Variants in ZC3H12B observed in about 807,000 individuals in gnomAD.
ZC3H12B encodes the protein zinc finger CCCH-type containing 12B.
A neutral mutation model predicts 43.9 loss-of-function variants in ZC3H12B; 7 were observed. The ratio of observed to expected loss-of-function variants is 0.16; its 90% CI spans 0.09 to 0.30. The LOEUF is 0.30. ZC3H12B is among the 10% of genes least tolerant of loss of function. The pLI, the probability that ZC3H12B is intolerant of heterozygous loss-of-function variation, is 1.00. For missense variants in ZC3H12B, 475 were observed against 670.2 expected, an observed-to-expected ratio of 0.71 and a Z score of 3.22; for synonymous variants, 222 against 241.7, an observed-to-expected ratio of 0.92 and a Z score of 0.76.
chrX:65,237,929 G>T, the ZC3H12B span, among the ~76,000 whole-genome samples: 2 of 111,811 alleles, frequency 1.8e-5, no homozygotes. Flanking sequence ...GATTGTGGAG[G>T]ATAAGCATTT....
At chrX:65,294,735 A>G in the ZC3H12B span, among the ~76,000 whole-genome samples, 3 of 111,915 alleles carry the variant, frequency 2.7e-5, no homozygotes, top group African/African-American at 6.5e-5. Context: ...GTAAAGCAAC[A>G]ATAGTCAAAA....
At chrX:65,181,040 G>T in the ZC3H12B span, among the ~76,000 whole-genome samples, 12 of 111,259 alleles carry the variant, frequency 1.1e-4, no homozygotes, top group South Asian at 3.8e-4. Context: ...GCATGGTACT[G>T]GTACCAAAAC....
chrX:65,383,539 T>A (rs371842898), intron 2 of ZC3H12B, among the ~76,000 whole-genome samples: 3 of 111,226 alleles, frequency 2.7e-5, no homozygotes, highest in Non-Finnish European at 3.8e-5. Context: ...GGACATAGGC[T>A]TGGGCAAGGA....
chrX:65,350,696 T>A, the ZC3H12B span, among the ~76,000 whole-genome samples: 1 of 111,263 alleles, frequency 9.0e-6, no homozygotes, highest in Non-Finnish European at 1.9e-5. Flanking sequence ...GACAGCCAAA[T>A]CGTGAGTGAA....
At chrX:65,172,038 G>A in the ZC3H12B span, among the ~76,000 whole-genome samples, 7 of 112,332 alleles carry the variant, frequency 6.2e-5, no homozygotes, top group East Asian at 2.8e-4. Context: ...CCCACTGTCC[G>A]ACAAGCCCCA....
chrX:65,160,660 T>C, the ZC3H12B span, among the ~76,000 whole-genome samples: 1 of 111,998 alleles, frequency 8.9e-6, no homozygotes, highest in Non-Finnish European at 1.9e-5. Context: ...TTTTCTTCTT[T>C]ATTAGTCTTG....
At chrX:65,104,096 G>A in the ZC3H12B span, among the ~76,000 whole-genome samples, 2 of 110,823 alleles carry the variant, frequency 1.8e-5, no homozygotes, top group East Asian at 2.9e-4. Context: ...ACAGAACAGA[G>A]GCCTCAGAAA....
At chrX:65,177,481 G>A in the ZC3H12B span, among the ~76,000 whole-genome samples, 1 of 112,110 alleles carries the variant, frequency 8.9e-6, no homozygotes, top group Non-Finnish European at 1.9e-5. Context: ...AAGAGAAGAA[G>A]TCAAATTGTC....
the ZC3H12B span, among the ~76,000 whole-genome samples, chrX:65,068,729 A>G: frequency 9.0e-6 from 1 of 111,316 alleles, no homozygotes; most frequent in Admixed American, 9.5e-5. Flanking sequence ...TTGTACCTTC[A>G]GTTGATTATG....
the ZC3H12B span, among the ~76,000 whole-genome samples, chrX:65,264,172 T>A: frequency 9.0e-6 from 1 of 110,793 alleles, no homozygotes; most frequent in African/African-American, 3.3e-5. Flanking sequence ...GAGAGTGGGA[T>A]GAAAGTGAGG....
chrX:65,219,127 G>A, the ZC3H12B span, among the ~76,000 whole-genome samples: 3 of 111,811 alleles, frequency 2.7e-5, no homozygotes, highest in African/African-American at 9.8e-5. Flanking sequence ...AAAAGGTAAA[G>A]CACCATATCA....
chrX:65,357,141 C>T, the ZC3H12B span: 759 of 477,917 alleles, frequency 1.6e-3, 2 homozygotes, highest in Non-Finnish European at 2.5e-3. Context: ...CATGGGGGCT[C>T]TGTCCTGAGG....
intron 2 of ZC3H12B, among the ~76,000 whole-genome samples, chrX:65,379,613 C>T (rs945741324): frequency 2.7e-5 from 3 of 112,659 alleles, no homozygotes; most frequent in Non-Finnish European, 5.6e-5. Context: ...CAGAGAATGA[C>T]TTTGAAGAGC....
chrX:65,358,710 A>T, the ZC3H12B span, among the ~76,000 whole-genome samples: 1 of 111,812 alleles, frequency 8.9e-6, no homozygotes, highest in African/African-American at 3.3e-5. Flanking sequence ...TTATAGCACT[A>T]AATGCCCACA....
chrX:65,227,809 T>C, the ZC3H12B span, among the ~76,000 whole-genome samples: 1 of 111,045 alleles, frequency 9.0e-6, no homozygotes, highest in African/African-American at 3.3e-5. Context: ...CCTCGACACA[T>C]ACACCCTCCC....
At chrX:65,051,673 T>C in the ZC3H12B span, among the ~76,000 whole-genome samples, 1 of 111,273 alleles carries the variant, frequency 9.0e-6, no homozygotes, top group African/African-American at 3.3e-5. Flanking sequence ...AGCCTAAGAC[T>C]TTTTTTTCAG....
chrX:65,341,092 G>A, the ZC3H12B span, among the ~76,000 whole-genome samples: 1 of 112,033 alleles, frequency 8.9e-6, no homozygotes, highest in African/African-American at 3.2e-5. Context: ...AATAGACCAA[G>A]CTGAGGAGAG....
Position 65,499,876 on chromosome X carries a change from C to G in ZC3H12B, c.984-7C>G, listed in dbSNP as rs756109798. 2.5e-6 allele frequency: 3 copies of G among 1,204,019 alleles called. No homozygotes were observed. The highest frequency in any genetic ancestry group is 5.9e-5 in the East Asian group (2 of 33,796). ...AAGACAGTCACCTCTTGCTTACTTG[C>G]TTTCAGATTTATGCCTCCAGATGAT... On this transcript the variant is annotated splice_region_variant and splice_polypyrimidine_tract_variant and intron_variant, in intron 3 of 4. Coordinates refer to ENST00000338957, the Ensembl canonical transcript of ZC3H12B.
At chrX:65,085,771 GA>G in the ZC3H12B span, among the ~76,000 whole-genome samples, 3,465 of 91,462 alleles carry the variant, frequency 0.038, 83 homozygotes, top group Non-Finnish European at 0.06. Flanking sequence ...CTCGAAAAAA[GA>G]AAAAAAAAAA....
Sources: gnomAD v4.1 joint callset for allele counts (sites outside exome capture counted in the v4.1 genomes callset) on GRCh38, gnomAD v4.1.1 for gene constraint, MANE v1.5 for transcripts, NCBI Gene and HGNC (gene_info 2026-07-23, HGNC 2026-07-21) for gene names.